The following CPQ variants were observed in gnomAD, a reference collection of about 807,000 sequenced individuals.
CPQ encodes the protein Ser-Met dipeptidase.
Under a neutral mutation model 45.7 loss-of-function variants are expected in CPQ, and 37 were observed. The observed-to-expected ratio is 0.81, with a 90% CI of 0.62 to 1.07. The LOEUF (loss-of-function observed/expected upper bound fraction) is 1.07, where lower values mean the gene tolerates loss of function less well. Ranked by LOEUF, CPQ falls within the 50% of genes least tolerant of loss-of-function variation. The pLI is 0.00. For synonymous variants in CPQ, 186 were observed against 205.8 expected, an observed-to-expected ratio of 0.90 and a Z score of 0.82; for missense variants, 537 against 572.9, an observed-to-expected ratio of 0.94 and a Z score of 0.64.
intron 1 of CPQ, among the ~76,000 whole-genome samples, chr8:96,698,169 A>C (rs919540169): frequency 6.6e-6 from 1 of 152,124 alleles, no homozygotes; most frequent in African/African-American, 2.4e-5. Flanking sequence ...AATGGAACAA[A>C]ATAGAGAACC....
chr8:96,676,638 G>T (rs946788990), intron 1 of CPQ, among the ~76,000 whole-genome samples: 1 of 151,910 alleles, frequency 6.6e-6, no homozygotes, highest in South Asian at 2.1e-4. Flanking sequence ...GTATCCCTTC[G>T]ATATACTGAT....
chr8:97,029,326 G>T, intron 5 of CPQ, 77 bp from the exon 6 acceptor site: 1 of 1,403,692 alleles, frequency 7.1e-7, no homozygotes. Context: ...CCACAAGGCA[G>T]ATGAGGGACC....
intron 1 of CPQ, among the ~76,000 whole-genome samples, chr8:96,677,802 A>G (rs182305989): frequency 1.2e-4 from 18 of 152,202 alleles, no homozygotes; most frequent in Non-Finnish European, 2.6e-4. Context: ...TTATGGTTTC[A>G]GGTCTTAGGT....
chr8:97,122,771 G>A (rs931398995), intron 7 of CPQ, among the ~76,000 whole-genome samples: 3 of 150,796 alleles, frequency 2.0e-5, no homozygotes, highest in Non-Finnish European at 2.9e-5. Context: ...TGTAATCCCA[G>A]CTTCTCAGCA....
chr8:96,857,077 C>G (rs1811861244), intron 3 of CPQ, among the ~76,000 whole-genome samples: 1 of 152,180 alleles, frequency 6.6e-6, no homozygotes. Context: ...ACCCATCAGT[C>G]TCTGCCTGGA....
At chr8:96,990,979 A>G (rs945641201) in intron 5 of CPQ, among the ~76,000 whole-genome samples, 1 of 152,182 alleles carries the variant, frequency 6.6e-6, no homozygotes, top group African/African-American at 2.4e-5. Context: ...AAAGGACTCA[A>G]GGTCACCTCT....
intron 6 of CPQ, among the ~76,000 whole-genome samples, chr8:97,042,927 C>A (rs1463818162): frequency 5.9e-5 from 9 of 152,054 alleles, no homozygotes; most frequent in Non-Finnish European, 8.8e-5. Context: ...ATTTTTGAAT[C>A]GGTGTGGTGT....
intron 3 of CPQ, among the ~76,000 whole-genome samples, chr8:96,840,974 A>G (rs1379814944): frequency 2.0e-5 from 3 of 152,222 alleles, no homozygotes; most frequent in Non-Finnish European, 4.4e-5. Flanking sequence ...ATTAGCCATC[A>G]AATTCTTCTT....
chr8:96,814,623 A>G (rs753766533), intron 2 of CPQ, among the ~76,000 whole-genome samples: 1 of 152,124 alleles, frequency 6.6e-6, no homozygotes, highest in African/African-American at 2.4e-5. Flanking sequence ...TTGAGCCATA[A>G]TTTTTTCATT....
At chr8:96,801,523 T>G (rs1811007724) in intron 2 of CPQ, among the ~76,000 whole-genome samples, 1 of 152,224 alleles carries the variant, frequency 6.6e-6, no homozygotes, top group South Asian at 2.1e-4. Context: ...GGTTTTTATG[T>G]CATACATCTT....
At chr8:96,985,640 A>G (rs1214517847) in intron 5 of CPQ, among the ~76,000 whole-genome samples, 1 of 152,214 alleles carries the variant, frequency 6.6e-6, no homozygotes, top group Non-Finnish European at 1.5e-5. Context: ...GAACTATGAA[A>G]AGCATGAATG....
In CPQ at chr8:96,697,766, C is replaced by A. The variant is rs112186239; in HGVS notation, c.-35+52364C>A. Among the ~76,000 whole-genome samples, 3 of 151,876 alleles carry A rather than the reference C, an allele frequency of 2.0e-5. No homozygotes were observed. The East Asian group carries it at 5.8e-4, about 29-fold the overall frequency. On this transcript the variant is annotated intron_variant, in intron 1 of 7. Coordinates refer to ENST00000220763, the MANE Select transcript of CPQ (RefSeq NM_016134.4). ...AAAGTAATCCCACTTACAGTAGCTA[C>A]AAATAAAATTAAATACCTAGGAATT...
intron 3 of CPQ, among the ~76,000 whole-genome samples, chr8:96,850,304 T>G (rs1811753176): frequency 6.6e-6 from 1 of 152,160 alleles, no homozygotes; most frequent in Non-Finnish European, 1.5e-5. Context: ...TGTGTTAGTG[T>G]TAGCTGCCTG....
At chr8:96,966,178 A>C in intron 5 of CPQ, 132 bp downstream of exon 5, 1 of 602,334 alleles carries the variant, frequency 1.7e-6, no homozygotes, top group South Asian at 2.4e-5. Flanking sequence ...TGATTCCCAG[A>C]AAAGAAACAA....
In CPQ at chr8:96,821,104, T is replaced by G. The variant is rs191664525; in HGVS notation, c.434-13869T>G. On this transcript the variant is annotated intron_variant, in intron 2 of 7. Coordinates refer to ENST00000220763, the MANE Select transcript of CPQ (RefSeq NM_016134.4). ...CTTTTGAGAAATGTCTGTTCAAACC[T>G]TTTGCCCAATATTTAATCTGAATTT... 8.7e-4 allele frequency among the ~76,000 whole-genome samples: 131 copies of G among 150,238 alleles called. 1 individual carries two copies. Among genetic ancestry groups the G allele is most frequent in the Non-Finnish European group, 8.0e-4 (54 of 67,588 alleles).
intron 3 of CPQ, among the ~76,000 whole-genome samples, chr8:96,843,161 C>T (rs1811638331): frequency 6.6e-6 from 1 of 152,114 alleles, no homozygotes; most frequent in Non-Finnish European, 1.5e-5. Flanking sequence ...CCCGCCTTGG[C>T]TCCCAAAGTA....
chr8:96,949,363 G>A (rs538975909), intron 4 of CPQ, among the ~76,000 whole-genome samples: 1 of 151,942 alleles, frequency 6.6e-6, no homozygotes, highest in African/African-American at 2.4e-5. Context: ...TGAGTGGGAT[G>A]TTTTTACATT....
chr8:96,988,426 C>T (rs1297985647), intron 5 of CPQ, among the ~76,000 whole-genome samples: 4 of 152,062 alleles, frequency 2.6e-5, no homozygotes, highest in Admixed American at 2.0e-4. Context: ...ATATTTCAGA[C>T]TGGGAAAAAA....
intron 2 of CPQ, among the ~76,000 whole-genome samples, chr8:96,788,547 C>CAAGA (rs1468148794): frequency 6.6e-6 from 1 of 152,034 alleles, no homozygotes; most frequent in Non-Finnish European, 1.5e-5. Context: ...TTATTGCTTT[C>CAAGA]AAGGTTTTCT....
Sources: allele counts gnomAD v4.1 joint callset (sites outside exome capture counted in the v4.1 genomes callset), GRCh38; gene constraint gnomAD v4.1.1; transcripts MANE v1.5; gene names NCBI Gene and HGNC (gene_info 2026-07-23, HGNC 2026-07-21).